DHX37: variants seen among roughly 807,000 people sequenced by gnomAD.
The protein encoded by DHX37 is probable ATP-dependent RNA helicase DHX37.
In DHX37, 52 loss-of-function variants were observed where a neutral mutation model predicts 134.3. The ratio of observed to expected loss-of-function variants is 0.39; its 90% CI spans 0.31 to 0.49. The LOEUF is 0.49. DHX37 is among the 20% of genes least tolerant of loss of function. The probability of loss-of-function intolerance (pLI) is 0.93; values close to 1 mark genes in which losing one functional copy is unlikely to be tolerated. For missense variants in DHX37, 1,344 were observed against 1,580.8 expected (o/e 0.85, Z 2.54); for synonymous variants, 634 against 670.7 (o/e 0.95, Z 0.85).
At chr12:124,956,520 ACT>A (rs1954097170) in intron 18 of DHX37, among the ~76,000 whole-genome samples, 169 bp downstream of exon 18, 1 of 152,006 alleles carries the variant, frequency 6.6e-6, no homozygotes, top group Non-Finnish European at 1.5e-5. Context: ...GAAGGGTCTC[ACT>A]CTGTTGCCCA....
chr12:124,956,115 G>A (rs1019149096), intron 18 of DHX37, among the ~76,000 whole-genome samples: 1 of 152,204 alleles, frequency 6.6e-6, no homozygotes, highest in African/African-American at 2.4e-5. Context: ...TCACAGAGTC[G>A]ATGAAGTGAC....
chr12:124,961,877 C>T (rs1954273289), intron 15 of DHX37, among the ~76,000 whole-genome samples: 1 of 152,066 alleles, frequency 6.6e-6, no homozygotes, highest in African/African-American at 2.4e-5. Context: ...GAAACATAAA[C>T]CGAATCCACA....
Position 124,952,464 on chromosome 12 carries a change from C to T in DHX37, c.2802G>A (p.Gly934=). 2 of 1,611,444 alleles carry T rather than the reference C, an allele frequency of 1.2e-6. No individual in the cohort carries two copies. Among genetic ancestry groups the T allele is most frequent in the Non-Finnish European group, 1.7e-6 (2 of 1,179,206 alleles). ...YLRQIVTAGL[G]DHLARRVQSE... is the part of the protein sequence containing the mutation. ...TCTGGACCCTGCGGGCCAAGTGGTC[C>T]CCCAGGCCTGCCGTCACGATCTGTC... The change falls in exon 21 of 27, where the codon GGG becomes GGA. Residue 934 remains glycine, a synonymous_variant. Transcript: ENST00000308736.
intron 3 of DHX37, among the ~76,000 whole-genome samples, chr12:124,981,885 A>T (rs917539379): frequency 6.6e-5 from 10 of 151,212 alleles, no homozygotes. Flanking sequence ...GCACTTTGGG[A>T]GGCCGAGGCG....
rs1435429644 is a variant in DHX37 at position 124,964,597 on chromosome 12, C to T, written c.1842G>A (p.Arg614=). 1.2e-6 allele frequency: 2 copies of T among 1,612,916 alleles called. No homozygotes were observed. The highest frequency in any genetic ancestry group is 1.3e-5 in the African/African-American group (1 of 74,956). ...CCACATTGGTGGCCACAACACACAA[C>T]CGAGTCCCCTCCGGTGGAGGCTTAA... ...QVFKPPPEGT[R]LCVVATNVAE... The change falls in exon 15 of 27, where the codon CGG becomes CGA. Residue 614 remains arginine, a synonymous_variant. Transcript: ENST00000308736.
intron 20 of DHX37, chr12:124,953,652 T>C (rs1164077820): frequency 4.2e-6 from 3 of 709,052 alleles, no homozygotes; most frequent in Non-Finnish European, 6.6e-6. Flanking sequence ...AGCGACGACC[T>C]GGTGGGGGAG....
intron 6 of DHX37, 93 bp downstream of exon 6, chr12:124,975,326 C>T (rs1015487817): frequency 2.8e-5 from 37 of 1,314,866 alleles, no homozygotes; most frequent in Non-Finnish European, 3.7e-5. Context: ...GCACCCTCGG[C>T]ACAGATGCTG....
intron 2 of DHX37, 111 bp from the exon 3 acceptor site, chr12:124,982,734 T>C: frequency 6.9e-7 from 1 of 1,448,388 alleles, no homozygotes; most frequent in Non-Finnish European, 9.2e-7. Context: ...GTCTTTAAAA[T>C]CGGCGGTCAA....
rs1318969533 is a variant in DHX37 at position 124,949,091 on chromosome 12, G to C, written c.3290+895C>G. 6.6e-6 allele frequency among the ~76,000 whole-genome samples: 1 copy of C among 152,064 alleles called. No homozygotes were observed. Among genetic ancestry groups the C allele is most frequent in the Non-Finnish European group, 1.5e-5 (1 of 67,986 alleles). On this transcript the variant is annotated intron_variant, in intron 25 of 26. Coordinates refer to ENST00000308736, the MANE Select transcript of DHX37 (RefSeq NM_032656.4). The surrounding 1 kb of genome is among the most constrained non-coding windows in gnomAD (Gnocchi z 4.0). The stretch of plus-strand genomic sequence containing the variant: ...CGCACTCCACCCCCTGCCCACCGAG[G>C]CCTCACTCATGTCCTGCTCTGTCCC...
rs770713239 is a variant in DHX37 at position 124,950,064 on chromosome 12, TGA to T, written c.3217-7_3217-6del. The T allele has an allele frequency of 6.2e-7, 1 of 1,613,708 alleles. No homozygotes were observed. The highest frequency in any genetic ancestry group is 8.5e-7 in the Non-Finnish European group (1 of 1,179,898). ...TGAGGCCAGCTTGCGGAAGACCTGA[TGA>T]GAGACCACAGGAAGGGGTGAGGCCC... On this transcript the variant is annotated splice_polypyrimidine_tract_variant and splice_region_variant and intron_variant, in intron 24 of 26. Transcript: ENST00000308736.
chr12:124,971,807 T>C (rs1304715089), intron 7 of DHX37, among the ~76,000 whole-genome samples: 1 of 152,042 alleles, frequency 6.6e-6, no homozygotes, highest in Admixed American at 6.5e-5. Flanking sequence ...CAGACAGCAG[T>C]CCCCCACCCG....
At chr12:124,982,903 G>A (rs1954785546) in intron 2 of DHX37, among the ~76,000 whole-genome samples, 1 of 152,138 alleles carries the variant, frequency 6.6e-6, no homozygotes, top group South Asian at 2.1e-4. Flanking sequence ...ATCAACAGGA[G>A]ATGAATAAAG....
intron 12 of DHX37, 97 bp from the exon 13 acceptor site, chr12:124,965,909 G>A (rs1048284158): frequency 1.3e-5 from 19 of 1,489,296 alleles, no homozygotes; most frequent in African/African-American, 4.1e-5. Flanking sequence ...TGGAAGCCCC[G>A]GTCCACACCC....
chr12:124,965,682 C>T lies in DHX37; in HGVS notation c.1721G>A (p.Gly574Asp). 6.2e-7 allele frequency: 1 copy of T among 1,608,784 alleles called. No homozygotes were observed. Among genetic ancestry groups the T allele is most frequent in the Non-Finnish European group, 8.5e-7 (1 of 1,177,082 alleles). ...TCGGGCCACACCTCCATCTTGCCCG[C>T]CATCCCCCAGGTCCAGATCGAGGTC... is the stretch of plus-strand genomic sequence containing the variant. ...DSDLDLDLGD[G>D]GQDGGEQPDA... is the part of the protein sequence containing the mutation. Residue 574 changes from glycine (G) to aspartate (D), a missense_variant, in exon 13 of 27, where the codon GGC becomes GAC. Around this residue, in one of 7 missense-constraint regions of DHX37, gnomAD observed 289 missense variants for 323.8 expected, o/e 0.89. Transcript: ENST00000308736.
Position 124,953,906 on chromosome 12 carries a change from C to A in DHX37, c.2669G>T (p.Arg890Leu). ...TGCGGTGGTCAGCTGGCCCCGCAGGCGCCGGATCTCCATCATGGCTTTGTA... is the reference window on the plus strand; with the variant it reads ...TGCGGTGGTCAGCTGGCCCCGCAGGAGCCGGATCTCCATCATGGCTTTGTA... ...LRYKAMMEIR[R>L]LRGQLTTAVN... Residue 890 changes from arginine (R) to leucine (L), a missense_variant, in exon 20 of 27, where the codon CGC (arginine) becomes CTC (leucine). By Grantham distance (102) the Arg-to-Leu change is moderately radical. Transcript: ENST00000308736. 1.2e-6 allele frequency: 2 copies of A among 1,611,888 alleles called. No homozygotes were observed. Among genetic ancestry groups the A allele is most frequent in the Admixed American group, 1.7e-5 (1 of 59,904 alleles).
chr12:124,982,739 G>A (rs576424733), intron 2 of DHX37, 116 bp from the exon 3 acceptor site: 251 of 1,404,110 alleles, frequency 1.8e-4, no homozygotes, highest in African/African-American at 5.2e-4. Flanking sequence ...TAAAATCGGC[G>A]GTCAAATTGC....
In DHX37 at chr12:124,988,976, G is replaced by T. The variant is rs770905477; in HGVS notation, c.47C>A (p.Ala16Glu). Reference sequence around the variant, plus strand: ...GGGGCCCTTCGAGGGTCCGGGGCCCGCCTGCTGGCGCCCCTTGATGTTGTA... The same window carrying T: ...GGGGCCCTTCGAGGGTCCGGGGCCCTCCTGCTGGCGCCCCTTGATGTTGTA... Reference protein sequence around the residue: ...RRYNIKGRQQAGPGPSKGPPE... With the variant: ...RRYNIKGRQQEGPGPSKGPPE... Residue 16 changes from alanine (A) to glutamate (E), a missense_variant, in exon 1 of 27, where the codon GCG becomes GAG. Around this residue, in one of 7 missense-constraint regions of DHX37, gnomAD observed 319 missense variants for 296.1 expected, o/e 1.08. Coordinates refer to ENST00000308736, the MANE Select transcript of DHX37 (RefSeq NM_032656.4). 11 of 1,354,432 alleles carry T rather than the reference G, an allele frequency of 8.1e-6. No homozygotes were observed. Among genetic ancestry groups the T allele is most frequent in the Non-Finnish European group, 1.1e-5 (11 of 1,044,988 alleles). 83.9% of individuals were successfully genotyped at this position (1,354,432 alleles called of 1,614,324 possible).
intron 18 of DHX37, among the ~76,000 whole-genome samples, chr12:124,956,021 C>T (rs1026154552): frequency 6.6e-6 from 1 of 152,250 alleles, no homozygotes; most frequent in Non-Finnish European, 1.5e-5. Context: ...CAACTAGTGT[C>T]TGCTCTGTCA....
rs550426484 is a variant in DHX37, at chr12:124,950,349, C to A, written c.3121+64G>T. 1.9e-6 allele frequency: 3 copies of A among 1,595,558 alleles called. No homozygotes were observed. In the African/African-American group the frequency reaches 4.0e-5, roughly 21 times the overall value. On this transcript the variant is annotated intron_variant, in intron 23 of 26. Transcript: ENST00000308736. ...CACGTCCGGGGGCAGGGGACAGGAC[C>A]GTGTGTCCGAGAAGCCCACGGCTGC...
Sources: allele counts gnomAD v4.1 joint callset (sites outside exome capture counted in the v4.1 genomes callset), GRCh38; gene constraint gnomAD v4.1.1; regional missense constraint gnomAD v4.1.1; non-coding constraint Gnocchi (gnomAD v3.1); transcripts MANE v1.5; gene names NCBI Gene and HGNC (gene_info 2026-07-23, HGNC 2026-07-21).